The following SLC47A1 variants were observed in gnomAD, a reference collection of about 807,000 sequenced individuals.
SLC47A1 encodes solute carrier family 47 member 1.
Under a neutral mutation model 65.8 loss-of-function variants are expected in SLC47A1, and 58 were observed. The observed-to-expected ratio is 0.88, with a 90% CI of 0.71 to 1.10. The LOEUF is 1.10. SLC47A1 is among the 50% of genes least tolerant of loss of function. The probability of loss-of-function intolerance (pLI) is 0.00; values close to 1 mark genes in which losing one functional copy is unlikely to be tolerated. For synonymous variants in SLC47A1, 285 were observed against 295.0 expected (o/e 0.97, Z 0.35); for missense variants, 706 against 719.2 (o/e 0.98, Z 0.21).
intron 16 of SLC47A1, among the ~76,000 whole-genome samples, chr17:19,575,773 G>A (rs1410113636): frequency 1.3e-5 from 2 of 151,986 alleles, no homozygotes; most frequent in African/African-American, 4.8e-5. Context: ...AAACTGTTGG[G>A]GTGAAGGAGA....
chr17:19,572,969 G>C, intron 16 of SLC47A1, 108 bp downstream of exon 16: 1 of 877,310 alleles, frequency 1.1e-6, no homozygotes, highest in Non-Finnish European at 1.8e-6. Context: ...ATTTAAATAG[G>C]GCAATAATGT....
intron 3 of SLC47A1, 29 bp downstream of exon 3, chr17:19,546,532 T>C (rs1916295713): frequency 1.2e-6 from 2 of 1,607,046 alleles, no homozygotes; most frequent in Admixed American, 1.7e-5. Context: ...ACGCTCACAG[T>C]GACCTCAAAC....
At chr17:19,539,994 G>A (rs1916095551) in intron 1 of SLC47A1, among the ~76,000 whole-genome samples, 1 of 152,188 alleles carries the variant, frequency 6.6e-6, no homozygotes, top group South Asian at 2.1e-4. Context: ...CAGGCAGTCG[G>A]AGTACAGGGT....
Position 19,577,475 on chromosome 17 carries a change from G to A in SLC47A1, c.1635G>A (p.Arg545=). The A allele has an allele frequency of 6.2e-7, 1 of 1,614,192 alleles. No individual in the cohort carries two copies. The highest frequency in any genetic ancestry group is 8.5e-7 in the Non-Finnish European group (1 of 1,180,036). The part of the protein sequence containing the change: ...AKLSRKQLVL[R]RGLLLLGVFL... ...TGTCCAGGAAACAGCTGGTGCTGCG[G>A]CGAGGGCTTCTGCTCCTGGGGGTCT... Residue 545 remains arginine, a synonymous_variant, in exon 17 of 17, where the codon CGG becomes CGA. Coordinates refer to ENST00000270570, the MANE Select transcript of SLC47A1 (RefSeq NM_018242.3).
At chr17:19,576,739 CTT>C (rs59607900) in intron 16 of SLC47A1, among the ~76,000 whole-genome samples, 2 of 145,674 alleles carry the variant, frequency 1.4e-5, no homozygotes, top group Non-Finnish European at 1.5e-5. Context: ...CCTGTGAATC[CTT>C]TTTTTTTTTT....
chr17:19,546,451 G>C lies in SLC47A1; in HGVS notation c.254G>C (p.Gly85Ala). ...TATTTGCAGGTTATCAATGTCACTG[G>C]TGTCTCAGTGGGATTCGGCTTATCT... ...TLAIAVINVT[G>A]VSVGFGLSSA... The change falls in exon 3 of 17, where the codon GGT becomes GCT. Residue 85 changes from glycine to alanine, a missense_variant. Transcript: ENST00000270570. 1.2e-6 allele frequency: 2 copies of C among 1,613,834 alleles called. No individual in the cohort carries two copies. The highest frequency in any genetic ancestry group is 8.5e-7 in the Non-Finnish European group (1 of 1,179,990).
rs562942627 is a variant in SLC47A1, at chr17:19,542,385, C to A, written c.136-8C>A. 2 of 1,595,700 alleles carry A rather than the reference C, an allele frequency of 1.3e-6. No individual in the cohort carries two copies. Among genetic ancestry groups the A allele is most frequent in the Admixed American group, 1.8e-5 (1 of 57,030 alleles). Reference sequence around the variant, plus strand: ...CTCACGTCCCTTCCCGTTCCCCTCTCTTCCCAGTTCTTGGTTCAGCTGATG... The same window carrying A: ...CTCACGTCCCTTCCCGTTCCCCTCTATTCCCAGTTCTTGGTTCAGCTGATG... On this transcript the variant is annotated splice_polypyrimidine_tract_variant and splice_region_variant and intron_variant, in intron 1 of 16. Transcript: ENST00000270570.
intron 10 of SLC47A1, among the ~76,000 whole-genome samples, chr17:19,559,741 C>T (rs917855993): frequency 6.6e-6 from 1 of 152,104 alleles, no homozygotes; most frequent in Non-Finnish European, 1.5e-5. Flanking sequence ...CCATGTTGGC[C>T]AGGCTGGTCT....
Position 19,546,427 on chromosome 17 carries a change from A to C in SLC47A1, c.238-8A>C. On this transcript the variant is annotated splice_polypyrimidine_tract_variant and splice_region_variant and intron_variant, in intron 2 of 16. Coordinates refer to ENST00000270570, the MANE Select transcript of SLC47A1 (RefSeq NM_018242.3). ...TCTATAGGGCCTTATCTTTGGGTTT[A>C]TTTGCAGGTTATCAATGTCACTGGT... 1 of 1,613,236 alleles carries C rather than the reference A, an allele frequency of 6.2e-7. No individual in the cohort carries two copies. Among genetic ancestry groups the C allele is most frequent in the Non-Finnish European group, 8.5e-7 (1 of 1,179,782 alleles).
At chr17:19,560,386 T>C in intron 11 of SLC47A1, 32 bp from the exon 12 acceptor site, 1 of 1,613,594 alleles carries the variant, frequency 6.2e-7, no homozygotes, top group Non-Finnish European at 8.5e-7. Context: ...TCTTGTTCAC[T>C]GTGTTGTTTC....
rs771434308 is a variant in SLC47A1, at chr17:19,577,580, G to A, written c.*27G>A. ...GTGGTAGGAAAGAAAGTCAGGTCAA[G>A]TGATGCTTTTGAGCTTACACACAAT... On this transcript the variant is annotated 3_prime_UTR_variant, in exon 17 of 17. Coordinates refer to ENST00000270570, the MANE Select transcript of SLC47A1 (RefSeq NM_018242.3). 2.5e-6 allele frequency: 4 copies of A among 1,613,164 alleles called. No homozygotes were observed.
chr17:19,549,770 T>G, intron 5 of SLC47A1, 93 bp downstream of exon 5: 1 of 1,348,042 alleles, frequency 7.4e-7, no homozygotes, highest in Non-Finnish European at 1.1e-6. Flanking sequence ...GGCTCAGTCT[T>G]AGATGATTCT....
Position 19,549,663 on chromosome 17 carries a change from A to C in SLC47A1, c.484A>C (p.Ile162Leu). ...TACCCAGACCTATGTCACGATCTTCATTCCAGCTCTTCCTGTAAGTGCTCA... is the reference window on the plus strand; with the variant it reads ...TACCCAGACCTATGTCACGATCTTCCTTCCAGCTCTTCCTGTAAGTGCTCA... ...RLTQTYVTIF[I>L]PALPATFLYM... Residue 162 changes from isoleucine (I) to leucine (L), a missense_variant, in exon 5 of 17, where the codon ATT becomes CTT. By Grantham distance (5) the Ile-to-Leu change is conservative. Transcript: ENST00000270570. 6.2e-7 allele frequency: 1 copy of C among 1,614,120 alleles called. No homozygotes were observed. Among genetic ancestry groups the C allele is most frequent in the Non-Finnish European group, 8.5e-7 (1 of 1,180,020 alleles).
chr17:19,540,877 C>CACACACACA (rs59709153), intron 1 of SLC47A1, among the ~76,000 whole-genome samples: 3 of 148,544 alleles, frequency 2.0e-5, no homozygotes, highest in South Asian at 4.2e-4. Flanking sequence ...CACACACACA[C>CACACACACA]CCCTAGGGTT....
In SLC47A1 at chr17:19,533,886, T is replaced by TCCGCGGTACTCACTGCCGGCCG. The variant is rs1915914353; in HGVS notation, c.-45_-44insTCACTGCCGGCCGCCGCGGTAC. On this transcript the variant is annotated 5_prime_UTR_variant, in exon 1 of 17. Transcript: ENST00000270570. ...GCCTGCGCGGTACTCACTGCCGGCC[T>TCCGCGGTACTCACTGCCGGCCG]CCGCGGTACCCACTGCCGGCCTCCG... is the stretch of plus-strand genomic sequence containing the variant. The TCCGCGGTACTCACTGCCGGCCG allele has an allele frequency of 4.3e-6, 6 of 1,392,194 alleles. No individual in the cohort carries two copies. The highest frequency in any genetic ancestry group is 5.6e-6 in the Non-Finnish European group (6 of 1,069,922). The allele number at this position is 1,392,194 out of a possible 1,614,324, so 86.2% of individuals were successfully genotyped here.
At chr17:19,572,152 A>C (rs890443492) in intron 15 of SLC47A1, among the ~76,000 whole-genome samples, 1 of 152,158 alleles carries the variant, frequency 6.6e-6, no homozygotes, top group Non-Finnish European at 1.5e-5. Flanking sequence ...CTGTCTCTAC[A>C]AATAAAAATG....
At chr17:19,577,236 A>G in intron 16 of SLC47A1, 91 bp from the exon 17 acceptor site, 1 of 1,511,064 alleles carries the variant, frequency 6.6e-7, no homozygotes, top group African/African-American at 1.4e-5. Flanking sequence ...CTTTCTCTCC[A>G]CTATTAGCAC....
rs571004977 is a variant in SLC47A1 at position 19,533,865 on chromosome 17, G to C, written c.-75G>C. ...ACTGCGCGGTACCCACTGCCGGCCTGCGCGGTACTCACTGCCGGCCTCCGC... is the reference window on the plus strand; with the variant it reads ...ACTGCGCGGTACCCACTGCCGGCCTCCGCGGTACTCACTGCCGGCCTCCGC... On this transcript the variant is annotated 5_prime_UTR_variant, in exon 1 of 17. Transcript: ENST00000270570. 3.6e-5 allele frequency: 50 copies of C among 1,387,040 alleles called. No individual in the cohort carries two copies. Among genetic ancestry groups the C allele is most frequent in the Admixed American group, 1.9e-4 (6 of 32,238 alleles). 85.9% of individuals were successfully genotyped at this position (1,387,040 alleles called of 1,614,324 possible).
rs1392099619 is a variant in SLC47A1, at chr17:19,566,868, T to C, written c.1176+9T>C. ...TCTTTGAAGCTCTTGCTGTAAGTAT[T>C]ATGTAGTAGTCCCCTAAGCACTGTT... is the stretch of plus-strand genomic sequence containing the variant. On this transcript the variant is annotated intron_variant, in intron 13 of 16. Transcript: ENST00000270570. 6.2e-7 allele frequency: 1 copy of C among 1,614,062 alleles called. No individual in the cohort carries two copies. The highest frequency in any genetic ancestry group is 1.7e-5 in the Admixed American group (1 of 60,022).
Sources: allele counts gnomAD v4.1 joint callset (sites outside exome capture counted in the v4.1 genomes callset), GRCh38; gene constraint gnomAD v4.1.1; transcripts MANE v1.5; gene names NCBI Gene and HGNC (gene_info 2026-07-23, HGNC 2026-07-21).